Variants in MUSK observed in about 807,000 individuals in gnomAD.
The protein encoded by MUSK is muscle associated receptor tyrosine kinase.
In MUSK, 55 loss-of-function variants were observed where a neutral mutation model predicts 88.7. The ratio of observed to expected loss-of-function variants is 0.62; its 90% CI spans 0.50 to 0.78. The LOEUF (loss-of-function observed/expected upper bound fraction) is 0.78. Among genes scored for constraint, MUSK ranks in the 30% least tolerant of loss-of-function variants. MUSK has a pLI of 0.00. For synonymous variants in MUSK, 387 were observed against 391.9 expected, an observed-to-expected ratio of 0.99 and a Z score of 0.15; for missense variants, 1,015 against 1,074.3, an observed-to-expected ratio of 0.94 and a Z score of 0.77.
At position 110,785,734 on chromosome 9, in the gene MUSK, GA is replaced by G. The variant is rs200937545; in HGVS notation, c.1778+25del. On this transcript the variant is annotated intron_variant, in intron 13 of 14. Coordinates refer to ENST00000374448, the MANE Select transcript of MUSK (RefSeq NM_005592.4). The stretch of plus-strand genomic sequence containing the variant: ...TTCAAGCAAGGTAAAGTTACCTATG[GA>G]AAAAAAAACTCCATTGAAATATGTT... 47 of 1,517,238 alleles carry G rather than the reference GA, an allele frequency of 3.1e-5. No homozygotes were observed. Among genetic ancestry groups the G allele is most frequent in the Admixed American group, 1.8e-4 (9 of 49,696 alleles). 94.0% of individuals were successfully genotyped at this position (1,517,238 alleles called of 1,614,324 possible). A position where few individuals can be genotyped will look rare whatever the true frequency, so the allele number is the denominator to read the frequency against.
At chr9:110,783,261 C>G (rs936641633) in intron 11 of MUSK, among the ~76,000 whole-genome samples, 4 of 151,802 alleles carry the variant, frequency 2.6e-5, no homozygotes, top group Non-Finnish European at 5.9e-5. Flanking sequence ...GCTAACATTG[C>G]CAGGTTGTGA....
chr9:110,782,713 C>T (rs1406979321), intron 11 of MUSK, among the ~76,000 whole-genome samples: 1 of 152,158 alleles, frequency 6.6e-6, no homozygotes, highest in Non-Finnish European at 1.5e-5. Flanking sequence ...CCTACCACCA[C>T]CACCCACCCA....
intron 6 of MUSK, among the ~76,000 whole-genome samples, chr9:110,746,877 C>T (rs1466836114): frequency 6.6e-6 from 1 of 152,186 alleles, no homozygotes; most frequent in Non-Finnish European, 1.5e-5. Flanking sequence ...TGACAACCAT[C>T]CACCTATCTG....
intron 6 of MUSK, among the ~76,000 whole-genome samples, chr9:110,737,866 C>G (rs2131849011): frequency 6.6e-6 from 1 of 152,252 alleles, no homozygotes; most frequent in Middle Eastern, 3.4e-3. Flanking sequence ...TATTCTCAAG[C>G]TCTAGTGTCC....
intron 3 of MUSK, among the ~76,000 whole-genome samples, chr9:110,692,675 T>C (rs1436565090): frequency 6.6e-6 from 1 of 152,168 alleles, no homozygotes; most frequent in African/African-American, 2.4e-5. Flanking sequence ...TCTGTCATTC[T>C]GAGTGTTTTG....
chr9:110,749,124 CT>C (rs544160139), intron 7 of MUSK, among the ~76,000 whole-genome samples: 105 of 152,116 alleles, frequency 6.9e-4, no homozygotes, highest in Non-Finnish European at 1.3e-3. Flanking sequence ...TTATAAAGCA[CT>C]TTTACATGCA....
chr9:110,679,828 A>G (rs2076084535), intron 1 of MUSK, among the ~76,000 whole-genome samples: 1 of 150,888 alleles, frequency 6.6e-6, no homozygotes, highest in Non-Finnish European at 1.5e-5. Context: ...TGTTTATGGC[A>G]AAGAGCTTAG....
At chr9:110,722,545 AAC>A in intron 5 of MUSK, among the ~76,000 whole-genome samples, 1 of 151,962 alleles carries the variant, frequency 6.6e-6, no homozygotes, top group East Asian at 1.9e-4. Flanking sequence ...GAAAAAAAAA[AAC>A]ATGGGACTTA....
Position 110,682,751 on chromosome 9 carries a change from T to G in MUSK, c.157T>G (p.Ser53Ala). 3 of 1,612,872 alleles carry G rather than the reference T, an allele frequency of 1.9e-6. No individual in the cohort carries two copies. Among genetic ancestry groups the G allele is most frequent in the Non-Finnish European group, 2.5e-6 (3 of 1,179,118 alleles). Reference sequence around the variant, plus strand: ...GGCTACTTTCATGTGTGCAGTGGAATCCTACCCCCAGCCTGAGATTTCCTG... The same window carrying G: ...GGCTACTTTCATGTGTGCAGTGGAAGCCTACCCCCAGCCTGAGATTTCCTG... ...EVATFMCAVE[S>A]YPQPEISWTR... is the part of the protein sequence containing the mutation. Residue 53 changes from serine to alanine, a missense_variant, in exon 2 of 15, where the codon TCC becomes GCC. Coordinates refer to ENST00000374448, the MANE Select transcript of MUSK (RefSeq NM_005592.4).
intron 3 of MUSK, among the ~76,000 whole-genome samples, chr9:110,689,227 AT>A (rs2076247254): frequency 3.9e-5 from 2 of 50,760 alleles, no homozygotes; most frequent in Non-Finnish European, 6.5e-5. Context: ...TATATAATAT[AT>A]AAATATATAA....
intron 14 of MUSK, 92 bp from the exon 15 acceptor site, chr9:110,800,214 T>A (rs1202538009): frequency 4.3e-6 from 5 of 1,157,126 alleles, no homozygotes; most frequent in Non-Finnish European, 6.1e-6. Context: ...CAGGGCTTCA[T>A]ATGTTCTGAC....
At chr9:110,761,582 T>C (rs1392205244) in intron 7 of MUSK, among the ~76,000 whole-genome samples, 3 of 136,540 alleles carry the variant, frequency 2.2e-5, no homozygotes, top group Admixed American at 2.2e-4. Flanking sequence ...TTTTTTTTTT[T>C]TTTTTTTTTT....
intron 5 of MUSK, among the ~76,000 whole-genome samples, chr9:110,730,300 A>T (rs2131829795): frequency 6.6e-6 from 1 of 152,196 alleles, no homozygotes; most frequent in South Asian, 2.1e-4. Context: ...GATGGATAAG[A>T]CTATGTACAG....
chr9:110,752,074 A>G (rs915986927), intron 7 of MUSK, among the ~76,000 whole-genome samples: 1 of 152,038 alleles, frequency 6.6e-6, no homozygotes, highest in African/African-American at 2.4e-5. Flanking sequence ...TTATTAGGGG[A>G]CTTGACACTC....
intron 3 of MUSK, among the ~76,000 whole-genome samples, chr9:110,691,351 A>C (rs1425198752): frequency 2.6e-5 from 4 of 152,096 alleles, no homozygotes; most frequent in Non-Finnish European, 5.9e-5. Flanking sequence ...TTGTGGGCAC[A>C]AACTTCCATT....
At chr9:110,689,803 T>C (rs1376090754) in intron 3 of MUSK, among the ~76,000 whole-genome samples, 1 of 92,952 alleles carries the variant, frequency 1.1e-5, no homozygotes, top group Non-Finnish European at 1.9e-5. Context: ...TAATATATAA[T>C]ATATAACTAT....
At position 110,735,216 on chromosome 9, in the gene MUSK, CAAAA is replaced by C. The variant is rs542410182; in HGVS notation, c.753+842_753+845del. ...ACCAATCCACTACTGGGTATACAGT[CAAAA>C]GAAAGAAAATCAGTATATCTAAGAG... On this transcript the variant is annotated intron_variant, in intron 6 of 14. Coordinates refer to ENST00000374448, the MANE Select transcript of MUSK (RefSeq NM_005592.4). Among the ~76,000 whole-genome samples the C allele has an allele frequency of 2.9e-4, 44 of 152,150 alleles. No individual in the cohort carries two copies. The South Asian group carries it at 9.1e-3, about 32-fold the overall frequency.
intron 5 of MUSK, among the ~76,000 whole-genome samples, chr9:110,701,724 AT>A (rs1244887383): frequency 0.034 from 2 of 58 alleles, 1 homozygote; most frequent in Admixed American, 0.33. Flanking sequence ...ATTTTATTTT[AT>A]TTTATTTTAT....
chr9:110,759,263 T>C (rs143826449), intron 7 of MUSK, among the ~76,000 whole-genome samples: 3 of 152,298 alleles, frequency 2.0e-5, no homozygotes, highest in East Asian at 3.9e-4. Context: ...GGTGCTGTGA[T>C]AGCAGGCTAG....
Sources: allele counts gnomAD v4.1 joint callset (sites outside exome capture counted in the v4.1 genomes callset), GRCh38; gene constraint gnomAD v4.1.1; transcripts MANE v1.5; gene names NCBI Gene and HGNC (gene_info 2026-07-23, HGNC 2026-07-21).